Variants in TMEM41B observed in about 807,000 individuals in gnomAD.
TMEM41B encodes protein stasimon.
A neutral mutation model predicts 31.9 loss-of-function variants in TMEM41B; 18 were observed. The ratio of observed to expected loss-of-function variants is 0.56; its 90% CI spans 0.39 to 0.84. The LOEUF (loss-of-function observed/expected upper bound fraction) is 0.84. TMEM41B is among the 40% of genes least tolerant of loss of function. The probability of loss-of-function intolerance (pLI) is 0.00; values close to 1 mark genes in which losing one functional copy is unlikely to be tolerated. For missense variants in TMEM41B, 322 were observed against 348.0 expected (o/e 0.93, Z 0.59); for synonymous variants, 144 against 124.3 (o/e 1.16, Z -1.05).
chr11:9,297,286 C>T (rs1240836231), intron 2 of TMEM41B, among the ~76,000 whole-genome samples: 3 of 152,156 alleles, frequency 2.0e-5, no homozygotes, highest in African/African-American at 4.8e-5. Context: ...GGTTTCTCCA[C>T]GTTAGCCAGT....
intron 1 of TMEM41B, among the ~76,000 whole-genome samples, chr11:9,304,717 G>C (rs1853340779): frequency 1.3e-5 from 2 of 151,932 alleles, no homozygotes; most frequent in South Asian, 4.1e-4. Context: ...GAGTGCAGTG[G>C]CGTGATCCTG....
intron 6 of TMEM41B, among the ~76,000 whole-genome samples, chr11:9,285,234 G>A (rs1413532296): frequency 6.6e-6 from 1 of 151,846 alleles, no homozygotes; most frequent in Non-Finnish European, 1.5e-5. Context: ...ACAGGCACCT[G>A]CCACCACATT....
intron 2 of TMEM41B, among the ~76,000 whole-genome samples, chr11:9,299,321 T>TACACACACACACACACAC (rs1303303364): frequency 3.3e-3 from 35 of 10,514 alleles, no homozygotes; most frequent in African/African-American, 4.8e-3. Context: ...TATATATACA[T>TACACACACACACACACAC]ACATACACAC....
chr11:9,287,777 A>G lies in TMEM41B; in HGVS notation c.492T>C (p.Tyr164=), dbSNP rs932183060. ...LCSGLGASFC[Y]MLSYLVGRPV... ...GTCTCCCAACTAAATAGGAAAGCAT[A>G]TAACAGAAAGAGGCACCAAGTCCAG... Residue 164 remains tyrosine (Y), a synonymous_variant, in exon 5 of 7, where the codon TAT becomes TAC. Transcript: ENST00000528080. 1.7e-5 allele frequency: 28 copies of G among 1,613,264 alleles called. No homozygotes were observed. The highest frequency in any genetic ancestry group is 4.5e-5 in the East Asian group (2 of 44,864).
At chr11:9,285,917 C>T (rs967420702) in intron 6 of TMEM41B, among the ~76,000 whole-genome samples, 1 of 151,908 alleles carries the variant, frequency 6.6e-6, no homozygotes, top group African/African-American at 2.4e-5. Context: ...GAATTCGAGA[C>T]CAGCCTGGCC....
In TMEM41B at chr11:9,287,717, T is replaced by A. The variant is rs768272345; in HGVS notation, c.552A>T (p.Val184=). The change falls in exon 5 of 7, where the codon GTA becomes GTT. Residue 184 remains valine, a synonymous_variant. Coordinates refer to ENST00000528080, the MANE Select transcript of TMEM41B (RefSeq NM_015012.4). ...VVYKYLTEKA[V]KWSQQVERHR... Reference sequence around the variant, plus strand: ...ACATGTTTACCTGCTGTGACCATTTTACTGCTTTCTCTGTTAGGTATTTGT... The same window carrying A: ...ACATGTTTACCTGCTGTGACCATTTAACTGCTTTCTCTGTTAGGTATTTGT... The A allele has an allele frequency of 2.5e-6, 4 of 1,610,012 alleles. No individual in the cohort carries two copies. The highest frequency in any genetic ancestry group is 3.4e-6 in the Non-Finnish European group (4 of 1,178,406).
Position 9,298,697 on chromosome 11 carries a change from G to A in TMEM41B, c.239+887C>T, listed in dbSNP as rs891483378. Among the ~76,000 whole-genome samples the A allele has an allele frequency of 8.6e-5, 13 of 151,516 alleles. 1 individual carries two copies. In the East Asian group the frequency reaches 9.7e-4, roughly 11 times the overall value. On this transcript the variant is annotated intron_variant, in intron 2 of 6. Coordinates refer to ENST00000528080, the MANE Select transcript of TMEM41B (RefSeq NM_015012.4). ...ACAAAAATCCTTCAACTCAGGAGAGGAGGCAGAGATCACAGTAAGCCAAAA... is the reference window on the plus strand; with the variant it reads ...ACAAAAATCCTTCAACTCAGGAGAGAAGGCAGAGATCACAGTAAGCCAAAA...
At chr11:9,294,607 T>C (rs919216872) in intron 3 of TMEM41B, among the ~76,000 whole-genome samples, 4 of 152,146 alleles carry the variant, frequency 2.6e-5, no homozygotes, top group East Asian at 3.9e-4. Context: ...GAATAAAAGA[T>C]ATTAACAAAT....
At chr11:9,311,717 C>A in intron 1 of TMEM41B, 1 of 739,930 alleles carries the variant, frequency 1.4e-6, no homozygotes, top group South Asian at 1.4e-5. Context: ...AGCCTTTCCA[C>A]TGCTGCCTGG....
chr11:9,313,983 T>C (rs902482981), intron 1 of TMEM41B, among the ~76,000 whole-genome samples: 9 of 152,142 alleles, frequency 5.9e-5, no homozygotes, highest in African/African-American at 2.2e-4. Flanking sequence ...TCTTCATCTG[T>C]AAAAACAACG....
intron 1 of TMEM41B, among the ~76,000 whole-genome samples, chr11:9,313,979 T>C (rs1016363083): frequency 2.6e-5 from 4 of 152,184 alleles, no homozygotes; most frequent in African/African-American, 7.2e-5. Flanking sequence ...AGTTTCTTCA[T>C]CTGTAAAAAC....
chr11:9,280,948 C>CCTT lies in TMEM41B; in HGVS notation c.*2475_*2476insAAG, dbSNP rs1852706269. 3 of 152,174 alleles carry CCTT rather than the reference C, an allele frequency of 2.0e-5. No homozygotes were observed. In the South Asian group the frequency reaches 6.2e-4, roughly 32 times the overall value. 9.4% of individuals were successfully genotyped at this position (152,174 alleles called of 1,614,324 possible). The stretch of plus-strand genomic sequence containing the variant: ...CAACTGCATTGAGGGTACAGCCTTG[C>CCTT]TGAAGGGTCCTTTCTTGACAGTCAA... On this transcript the variant is annotated 3_prime_UTR_variant, in exon 7 of 7. Transcript: ENST00000528080.
At chr11:9,284,738 G>A (rs1852797204) in intron 6 of TMEM41B, among the ~76,000 whole-genome samples, 1 of 149,078 alleles carries the variant, frequency 6.7e-6, no homozygotes, top group Non-Finnish European at 1.5e-5. Context: ...ACTCCAGCCT[G>A]GGCGACAGAG....
intron 1 of TMEM41B, among the ~76,000 whole-genome samples, chr11:9,310,679 T>A (rs66549401): frequency 0.019 from 1,866 of 96,944 alleles, 42 homozygotes; most frequent in African/African-American, 0.057. Flanking sequence ...TTTTTTTTTT[T>A]AACCAGGAGA....
intron 4 of TMEM41B, chr11:9,288,115 A>AC (rs11327512): frequency 1.0e-5 from 3 of 298,130 alleles, no homozygotes; most frequent in East Asian, 1.0e-4. Context: ...CCTACCCCCG[A>AC]CCCCCCCAGT....
Position 9,282,659 on chromosome 11 carries a change from C to G in TMEM41B, c.*765G>C, listed in dbSNP as rs375055165. On this transcript the variant is annotated 3_prime_UTR_variant, in exon 7 of 7. Coordinates refer to ENST00000528080, the MANE Select transcript of TMEM41B (RefSeq NM_015012.4). Reference sequence around the variant, plus strand: ...CAAAAGAGGAAGAAAATGGGCCAGGCGCGGTGGCTCACGCCTGTAATCCCA... The same window carrying G: ...CAAAAGAGGAAGAAAATGGGCCAGGGGCGGTGGCTCACGCCTGTAATCCCA... 6.6e-6 allele frequency: 1 copy of G among 152,178 alleles called. No individual in the cohort carries two copies. Among genetic ancestry groups the G allele is most frequent in the African/African-American group, 2.4e-5 (1 of 41,424 alleles). The allele number at this position is 152,178 out of a possible 1,614,324, so 9.4% of individuals were successfully genotyped here.
intron 4 of TMEM41B, 33 bp from the exon 5 acceptor site, chr11:9,287,839 ATT>A: frequency 6.6e-7 from 1 of 1,511,236 alleles, no homozygotes; most frequent in Non-Finnish European, 9.1e-7. Context: ...AGCGTTTTGT[ATT>A]TTTCCGTCTT....
At chr11:9,287,294 G>A (rs778196198) in intron 5 of TMEM41B, among the ~76,000 whole-genome samples, 4 of 152,130 alleles carry the variant, frequency 2.6e-5, no homozygotes, top group African/African-American at 4.8e-5. Context: ...CTGGGTGACA[G>A]AGTAAGACTC....
intron 1 of TMEM41B, among the ~76,000 whole-genome samples, chr11:9,310,025 ATG>A (rs1853517192): frequency 6.6e-6 from 1 of 151,216 alleles, no homozygotes; most frequent in Non-Finnish European, 1.5e-5. Flanking sequence ...GTTCCAAGTA[ATG>A]TATTATTATT....
Sources: gnomAD v4.1 joint callset for allele counts (sites outside exome capture counted in the v4.1 genomes callset) on GRCh38, gnomAD v4.1.1 for gene constraint, MANE v1.5 for transcripts, NCBI Gene and HGNC (gene_info 2026-07-23, HGNC 2026-07-21) for gene names.